The following BBS9 variants were observed in gnomAD, a reference collection of about 807,000 sequenced individuals.
The protein encoded by BBS9 is Bardet-Biedl syndrome 9, also known as protein PTHB1.
A neutral mutation model predicts 117.7 loss-of-function variants in BBS9; 89 were observed. The observed-to-expected ratio is 0.76, with a 90% CI of 0.64 to 0.90. BBS9 has a LOEUF of 0.90. Ranked by LOEUF, BBS9 falls within the 40% of genes least tolerant of loss-of-function variation. The probability of loss-of-function intolerance (pLI) is 0.00; values close to 1 mark genes in which losing one functional copy is unlikely to be tolerated. For missense variants in BBS9, 982 were observed against 1,042.2 expected (o/e 0.94, Z 0.80); for synonymous variants, 379 against 370.9 (o/e 1.02, Z -0.25).
At chr7:33,390,646 T>C in intron 19 of BBS9, 1 of 957,104 alleles carries the variant, frequency 1.0e-6, no homozygotes, top group Non-Finnish European at 1.2e-6. Flanking sequence ...TCTATTTTAA[T>C]TCCGTTTAGT....
At chr7:33,620,002 C>T (rs2598380) in intron 21 of BBS9, among the ~76,000 whole-genome samples, 35,638 of 151,666 alleles carry the variant, frequency 0.23, 6,026 homozygotes, top group African/African-American at 0.47. Context: ...AATAAAGATC[C>T]GAGCAGAAAT....
chr7:33,603,173 A>C (rs561082670), intron 21 of BBS9, among the ~76,000 whole-genome samples: 2 of 152,208 alleles, frequency 1.3e-5, no homozygotes, highest in South Asian at 2.1e-4. Context: ...TTGTGTGTGA[A>C]GGCCGCTGCC....
intron 21 of BBS9, among the ~76,000 whole-genome samples, chr7:33,622,081 G>A (rs923939162): frequency 3.9e-5 from 6 of 152,060 alleles, no homozygotes; most frequent in Non-Finnish European, 8.8e-5. Flanking sequence ...GTGGTGGCAC[G>A]CACCTGTAAT....
chr7:33,235,432 G>A (rs1793296220), intron 5 of BBS9, among the ~76,000 whole-genome samples: 1 of 152,062 alleles, frequency 6.6e-6, no homozygotes, highest in South Asian at 2.1e-4. Context: ...CTTGGGAGTA[G>A]AGTTTTCTTT....
chr7:33,192,511 G>T (rs1441723073), intron 5 of BBS9, among the ~76,000 whole-genome samples: 2 of 152,106 alleles, frequency 1.3e-5, no homozygotes, highest in Non-Finnish European at 1.5e-5. Flanking sequence ...CTCTTGAACT[G>T]CACATAAGCT....
intron 19 of BBS9, among the ~76,000 whole-genome samples, chr7:33,407,903 G>A (rs974417918): frequency 1.3e-5 from 2 of 152,238 alleles, no homozygotes; most frequent in African/African-American, 4.8e-5. Flanking sequence ...CCCACTAGAG[G>A]AGGCAGTCTG....
At chr7:33,137,463 G>T (rs1018194967) in intron 1 of BBS9, among the ~76,000 whole-genome samples, 3 of 152,178 alleles carry the variant, frequency 2.0e-5, no homozygotes, top group South Asian at 2.1e-4. Flanking sequence ...CACTGGCTCC[G>T]CAGAGTGGGC....
At chr7:33,426,196 T>C (rs1008338066) in intron 19 of BBS9, among the ~76,000 whole-genome samples, 8 of 152,186 alleles carry the variant, frequency 5.3e-5, no homozygotes, top group African/African-American at 1.9e-4. Context: ...TTCAGTGTGT[T>C]ACAACAAAGA....
intron 20 of BBS9, among the ~76,000 whole-genome samples, chr7:33,522,896 C>T (rs1848854324): frequency 6.7e-6 from 1 of 149,680 alleles, no homozygotes; most frequent in African/African-American, 2.4e-5. Context: ...ACGTTTAAGT[C>T]TTTAATCCAT....
chr7:33,432,124 G>A (rs1397408025), intron 19 of BBS9, among the ~76,000 whole-genome samples: 1 of 144,854 alleles, frequency 6.9e-6, no homozygotes, highest in Non-Finnish European at 1.5e-5. Flanking sequence ...TCACTCTGTC[G>A]CACAGGCTGG....
chr7:33,268,003 C>G (rs1230492114), intron 7 of BBS9, among the ~76,000 whole-genome samples: 1 of 152,106 alleles, frequency 6.6e-6, no homozygotes, highest in Admixed American at 6.5e-5. Flanking sequence ...GCCTTGTTCT[C>G]AAGACTTGTT....
rs925875120 is a variant in BBS9 at position 33,410,504 on chromosome 7, C to G, written c.2115+22360C>G. ...ACTCAGCCCCCTCTCTGTCACTCTCCCAGGAGACAACCTTATATTCTGTCT... is the reference window on the plus strand; with the variant it reads ...ACTCAGCCCCCTCTCTGTCACTCTCGCAGGAGACAACCTTATATTCTGTCT... On this transcript the variant is annotated intron_variant, in intron 19 of 22. Transcript: ENST00000242067. Among the ~76,000 whole-genome samples the G allele has an allele frequency of 4.6e-5, 7 of 152,152 alleles. No individual in the cohort carries two copies. The East Asian group carries it at 1.3e-3, about 29-fold the overall frequency.
intron 5 of BBS9, among the ~76,000 whole-genome samples, chr7:33,203,714 A>C (rs983271121): frequency 2.9e-5 from 1 of 35,010 alleles, no homozygotes; most frequent in Non-Finnish European, 5.5e-5. Context: ...ATATTGGAAC[A>C]CTACTTTTCT....
chr7:33,535,372 G>T (rs1851215933), intron 21 of BBS9, among the ~76,000 whole-genome samples: 1 of 152,186 alleles, frequency 6.6e-6, no homozygotes, highest in South Asian at 2.1e-4. Context: ...ATGGATATAT[G>T]CATGATTCAG....
chr7:33,390,252 G>A (rs1358642850), intron 19 of BBS9: 1 of 985,090 alleles, frequency 1.0e-6, no homozygotes, highest in East Asian at 1.1e-4. Context: ...ATGGTGGAAG[G>A]GCATTTAAAG....
At chr7:33,521,785 G>A (rs1848642229) in intron 20 of BBS9, among the ~76,000 whole-genome samples, 1 of 149,086 alleles carries the variant, frequency 6.7e-6, no homozygotes, top group Non-Finnish European at 1.5e-5. Context: ...TAGGGTACAT[G>A]TGCACCTTGT....
intron 19 of BBS9, among the ~76,000 whole-genome samples, chr7:33,466,436 A>G (rs917478381): frequency 1.3e-5 from 2 of 152,080 alleles, no homozygotes; most frequent in Non-Finnish European, 2.9e-5. Flanking sequence ...ACTTAACATA[A>G]GATCCTCTGA....
chr7:33,517,542 G>C (rs1018881227), intron 20 of BBS9, among the ~76,000 whole-genome samples: 2 of 152,170 alleles, frequency 1.3e-5, no homozygotes, highest in Admixed American at 1.3e-4. Context: ...GCAGGAGTGA[G>C]CACCCGTTGC....
intron 4 of BBS9, 149 bp from the exon 5 acceptor site, chr7:33,177,329 G>T: frequency 4.7e-6 from 3 of 644,638 alleles, no homozygotes; most frequent in Non-Finnish European, 8.3e-6. Context: ...TGTGTCATCA[G>T]TATGCTAATT....
Sources: allele counts gnomAD v4.1 joint callset (sites outside exome capture counted in the v4.1 genomes callset), GRCh38; gene constraint gnomAD v4.1.1; transcripts MANE v1.5; gene names NCBI Gene and HGNC (gene_info 2026-07-23, HGNC 2026-07-21).